TRHDE: variants seen among roughly 807,000 people sequenced by gnomAD.
TRHDE encodes thyrotropin releasing hormone degrading enzyme, also known as thyrotropin-releasing hormone-degrading ectoenzyme.
TRHDE carries 72 observed loss-of-function variants against 125.7 expected under a neutral mutation model. The observed-to-expected ratio is 0.57, with a 90% CI of 0.47 to 0.70. TRHDE has a LOEUF of 0.70. TRHDE is among the 30% of genes least tolerant of loss of function. The probability of loss-of-function intolerance (pLI) is 0.00; values close to 1 mark genes in which losing one functional copy is unlikely to be tolerated. For missense variants in TRHDE, 1,110 were observed against 1,327.1 expected, an observed-to-expected ratio of 0.84 and a Z score of 2.54; for synonymous variants, 509 against 509.1, an observed-to-expected ratio of 1.00 and a Z score of 0.00.
At chr12:72,627,870 G>T (rs1486114167) in intron 15 of TRHDE, among the ~76,000 whole-genome samples, 2 of 150,552 alleles carry the variant, frequency 1.3e-5, no homozygotes, top group Non-Finnish European at 3.0e-5. Flanking sequence ...TTTGAGACAG[G>T]GTCTCACTAT....
upstream of TRHDE, among the ~76,000 whole-genome samples, chr12:72,267,662 A>C (rs145145594): frequency 1.3e-3 from 203 of 152,230 alleles, 6 homozygotes; most frequent in Admixed American, 0.013. Context: ...AATATGTGTA[A>C]TAAAAAGTAA....
At chr12:72,168,935 C>G (rs1426586111) in intron 2 of TRHDE, among the ~76,000 whole-genome samples, 1 of 152,056 alleles carries the variant, frequency 6.6e-6, no homozygotes, top group Non-Finnish European at 1.5e-5. Flanking sequence ...AGAAAAGAGA[C>G]CTTTAATAAG....
intron 12 of TRHDE, among the ~76,000 whole-genome samples, chr12:72,596,194 A>G (rs1041760265): frequency 6.6e-6 from 1 of 152,128 alleles, no homozygotes; most frequent in Non-Finnish European, 1.5e-5. Context: ...AATTTTAGAT[A>G]TATCAGTTGC....
intron 2 of TRHDE, among the ~76,000 whole-genome samples, chr12:72,173,325 G>T (rs1876917396): frequency 6.6e-6 from 1 of 152,082 alleles, no homozygotes; most frequent in African/African-American, 2.4e-5. Context: ...CCTGATAGTG[G>T]GTAGGAAAGG....
At chr12:72,102,293 C>A (rs1003961057) in intron 1 of TRHDE, among the ~76,000 whole-genome samples, 1 of 152,106 alleles carries the variant, frequency 6.6e-6, no homozygotes, top group African/African-American at 2.4e-5. Context: ...ATGCTTAAAC[C>A]TATAGTCACC....
intron 2 of TRHDE, among the ~76,000 whole-genome samples, chr12:72,314,099 A>G (rs1868676652): frequency 6.6e-6 from 1 of 152,116 alleles, no homozygotes; most frequent in Non-Finnish European, 1.5e-5. Flanking sequence ...CCTCTGTGAG[A>G]CTGTGACAGG....
chr12:72,246,304 A>C (rs1340580014), intron 2 of TRHDE, among the ~76,000 whole-genome samples: 1 of 152,168 alleles, frequency 6.6e-6, no homozygotes, highest in Non-Finnish European at 1.5e-5. Flanking sequence ...TCTTGTAGAC[A>C]TTTTAATTTT....
intron 1 of TRHDE, among the ~76,000 whole-genome samples, chr12:72,285,784 G>A (rs1879863429): frequency 6.6e-6 from 1 of 152,118 alleles, no homozygotes; most frequent in African/African-American, 2.4e-5. Flanking sequence ...CTCTCAAAGT[G>A]CTGGGATTAC....
At chr12:72,602,942 A>G (rs1489118674) in intron 12 of TRHDE, among the ~76,000 whole-genome samples, 1 of 152,220 alleles carries the variant, frequency 6.6e-6, no homozygotes, top group Non-Finnish European at 1.5e-5. Context: ...AACATAAACC[A>G]GACTGAAATC....
At chr12:72,096,570 T>G (rs532975728) in intron 1 of TRHDE, among the ~76,000 whole-genome samples, 4 of 152,174 alleles carry the variant, frequency 2.6e-5, no homozygotes, top group Non-Finnish European at 4.4e-5. Flanking sequence ...CAACTCAGTT[T>G]TCATTCCTTT....
chr12:72,522,071 C>T (rs970001741), intron 6 of TRHDE, among the ~76,000 whole-genome samples: 3 of 152,186 alleles, frequency 2.0e-5, no homozygotes, highest in African/African-American at 7.2e-5. Flanking sequence ...ACAGCAGTCA[C>T]ATGCTGTATT....
intron 2 of TRHDE, among the ~76,000 whole-genome samples, chr12:72,237,121 T>C (rs1387529575): frequency 1.3e-5 from 2 of 152,158 alleles, no homozygotes; most frequent in Non-Finnish European, 2.9e-5. Flanking sequence ...AGTGAGATCA[T>C]TGTGGATAGA....
intron 2 of TRHDE, among the ~76,000 whole-genome samples, chr12:72,110,278 G>A (rs960795669): frequency 2.0e-5 from 3 of 152,068 alleles, no homozygotes; most frequent in African/African-American, 7.2e-5. Context: ...CCTTTTATCT[G>A]TAGAGTGCTT....
chr12:72,216,065 A>C (rs1000294676), intron 2 of TRHDE, among the ~76,000 whole-genome samples: 3 of 152,190 alleles, frequency 2.0e-5, no homozygotes, highest in African/African-American at 4.8e-5. Flanking sequence ...CATTTGTAAG[A>C]TGTAGATAGG....
At position 72,488,416 on chromosome 12, in the gene TRHDE, T is replaced by C. The variant is rs557853384; in HGVS notation, c.1585-11082T>C. ...CACAAACAATCAAAAGAGGCAAAGA[T>C]GGTTATTACTTAATGAGAAAGGGGT... On this transcript the variant is annotated intron_variant, in intron 5 of 18. Coordinates refer to ENST00000261180, the MANE Select transcript of TRHDE (RefSeq NM_013381.3). 2.6e-5 allele frequency among the ~76,000 whole-genome samples: 4 copies of C among 152,114 alleles called. No individual in the cohort carries two copies. In the East Asian group the frequency reaches 7.7e-4, roughly 29 times the overall value.
intron 3 of TRHDE, among the ~76,000 whole-genome samples, chr12:72,458,642 G>A (rs1003247310): frequency 7.9e-5 from 12 of 152,102 alleles, no homozygotes; most frequent in African/African-American, 2.9e-4. Flanking sequence ...TGTTCTAGGG[G>A]TGACTCAAAC....
At chr12:72,152,977 G>T (rs56697012) in intron 2 of TRHDE, among the ~76,000 whole-genome samples, 1 of 152,176 alleles carries the variant, frequency 6.6e-6, no homozygotes, top group East Asian at 1.9e-4. Flanking sequence ...AATGGTACCA[G>T]CTCCTCCTTG....
At chr12:72,427,523 T>A (rs1405747070) in intron 3 of TRHDE, among the ~76,000 whole-genome samples, 1 of 152,142 alleles carries the variant, frequency 6.6e-6, no homozygotes, top group East Asian at 1.9e-4. Flanking sequence ...TCCCTCTATT[T>A]GTATCCCTGG....
intron 7 of TRHDE, among the ~76,000 whole-genome samples, chr12:72,548,613 A>T (rs1869534182): frequency 6.6e-6 from 1 of 151,654 alleles, no homozygotes; most frequent in African/African-American, 2.4e-5. Flanking sequence ...TCTTTACATG[A>T]CTTGGATTTT....
Sources: gnomAD v4.1 joint callset for allele counts (sites outside exome capture counted in the v4.1 genomes callset) on GRCh38, gnomAD v4.1.1 for gene constraint, MANE v1.5 for transcripts, NCBI Gene and HGNC (gene_info 2026-07-23, HGNC 2026-07-21) for gene names.